MGAT4C: variants seen among roughly 807,000 people sequenced by gnomAD.
The protein encoded by MGAT4C is alpha-1,3-mannosyl-glycoprotein 4-beta-N-acetylglucosaminyltransferase C.
MGAT4C carries 19 observed loss-of-function variants against 40.1 expected under a neutral mutation model. The ratio of observed to expected loss-of-function variants is 0.47; its 90% CI spans 0.33 to 0.70. MGAT4C has a LOEUF of 0.70. Among genes scored for constraint, MGAT4C ranks in the 30% least tolerant of loss-of-function variants. The probability of loss-of-function intolerance (pLI) is 0.02; values close to 1 mark genes in which losing one functional copy is unlikely to be tolerated. For synonymous variants in MGAT4C, 181 were observed against 187.1 expected (o/e 0.97, Z 0.27); for missense variants, 491 against 563.2 (o/e 0.87, Z 1.30).
intron 2 of MGAT4C, among the ~76,000 whole-genome samples, chr12:86,040,431 C>A (rs1219611622): frequency 6.6e-6 from 1 of 152,210 alleles, no homozygotes. Context: ...ATGCCCTGCC[C>A]AGAGAGGAGG....
intron 2 of MGAT4C, among the ~76,000 whole-genome samples, chr12:86,713,616 GA>G (rs1950596569): frequency 6.6e-6 from 1 of 152,048 alleles, no homozygotes; most frequent in Non-Finnish European, 1.5e-5. Flanking sequence ...GAATAGTTAT[GA>G]ATGCAAAAAC....
At chr12:86,220,159 T>C (rs1950826502) in intron 1 of MGAT4C, among the ~76,000 whole-genome samples, 1 of 152,056 alleles carries the variant, frequency 6.6e-6, no homozygotes, top group Non-Finnish European at 1.5e-5. Context: ...GTACACTCAT[T>C]GGGGACCTCA....
chr12:86,341,299 T>G (rs1217004932), intron 3 of MGAT4C, among the ~76,000 whole-genome samples: 1 of 152,190 alleles, frequency 6.6e-6, no homozygotes, highest in East Asian at 1.9e-4. Flanking sequence ...GATCTCCTTG[T>G]GAACCCACTC....
chr12:86,474,960 G>T (rs1237239485), intron 2 of MGAT4C, among the ~76,000 whole-genome samples: 1 of 152,082 alleles, frequency 6.6e-6, no homozygotes, highest in African/African-American at 2.4e-5. Context: ...CTGATCAAGT[G>T]TCCTAAAAAC....
At chr12:86,270,961 C>A (rs75539694) in intron 4 of MGAT4C, among the ~76,000 whole-genome samples, 12,064 of 152,144 alleles carry the variant, frequency 0.079, 680 homozygotes, top group Middle Eastern at 0.22. Context: ...ATTGGAGAGC[C>A]AAATGCAGAC....
chr12:86,268,676 T>TAC (rs1161668073), intron 4 of MGAT4C, among the ~76,000 whole-genome samples: 1 of 146,286 alleles, frequency 6.8e-6, no homozygotes, highest in East Asian at 2.0e-4. Context: ...TATATATATA[T>TAC]ATACATATAT....
At position 86,085,156 on chromosome 12, in the gene MGAT4C, C is replaced by G. The variant is rs191173124; in HGVS notation, c.-56-35433G>C. Among the ~76,000 whole-genome samples, 533 of 151,800 alleles carry G rather than the reference C, an allele frequency of 3.5e-3. 2 individuals carry two copies. The highest frequency in any genetic ancestry group is 0.014 in the Middle Eastern group (4 of 294). Reference sequence around the variant, plus strand: ...TTAAATGTTTTCTGTTTTGTTCTTTCTTAAAAAGTTATGGACAGTTTCTTT... The same window carrying G: ...TTAAATGTTTTCTGTTTTGTTCTTTGTTAAAAAGTTATGGACAGTTTCTTT... On this transcript the variant is annotated intron_variant, in intron 1 of 4. Transcript: ENST00000611864.
intron 2 of MGAT4C, among the ~76,000 whole-genome samples, chr12:86,014,107 A>G (rs1169069791): frequency 6.6e-6 from 1 of 152,064 alleles, no homozygotes; most frequent in Non-Finnish European, 1.5e-5. Flanking sequence ...TATAGCTTCT[A>G]TTCTCTCATA....
At chr12:86,779,412 T>C (rs1951797419) in intron 1 of MGAT4C, among the ~76,000 whole-genome samples, 1 of 151,226 alleles carries the variant, frequency 6.6e-6, no homozygotes, top group African/African-American at 2.4e-5. Flanking sequence ...CTGAGCAGCA[T>C]AGCGAGACCC....
At chr12:86,306,240 T>C (rs950741314) in intron 4 of MGAT4C, among the ~76,000 whole-genome samples, 2 of 150,472 alleles carry the variant, frequency 1.3e-5, no homozygotes, top group East Asian at 1.9e-4. Flanking sequence ...AACATAGGTC[T>C]ACACACACTT....
At chr12:86,694,857 C>G (rs1417594468) in intron 2 of MGAT4C, among the ~76,000 whole-genome samples, 1 of 152,038 alleles carries the variant, frequency 6.6e-6, no homozygotes, top group Non-Finnish European at 1.5e-5. Flanking sequence ...TTGGTCTGGG[C>G]AAAAAATTTC....
At chr12:86,199,859 C>CA (rs1949973630) in intron 1 of MGAT4C, among the ~76,000 whole-genome samples, 1 of 151,982 alleles carries the variant, frequency 6.6e-6, no homozygotes, top group Non-Finnish European at 1.5e-5. Context: ...ATATTTTATA[C>CA]AATGTTTATA....
intron 1 of MGAT4C, among the ~76,000 whole-genome samples, chr12:86,086,328 G>T (rs551584135): frequency 2.2e-4 from 34 of 152,134 alleles, no homozygotes; most frequent in African/African-American, 8.2e-4. Context: ...TCATAAGGGA[G>T]TTGAACAGTG....
At chr12:86,650,512 T>C (rs1258380322) in intron 2 of MGAT4C, among the ~76,000 whole-genome samples, 1 of 151,910 alleles carries the variant, frequency 6.6e-6, no homozygotes, top group East Asian at 1.9e-4. Flanking sequence ...TACCAAGTGC[T>C]GCAGAAAAGT....
rs1952669018 is a variant in MGAT4C at position 86,262,048 on chromosome 12, C to G, written c.-57+72017G>C. Among the ~76,000 whole-genome samples, 4 of 152,166 alleles carry G rather than the reference C, an allele frequency of 2.6e-5. No individual in the cohort carries two copies. The South Asian group carries it at 8.3e-4, about 32-fold the overall frequency. On this transcript the variant is annotated intron_variant, in intron 4 of 7. Transcript: ENST00000548651. ...AGCGTTCCAATATTAGAACACTAGG[C>G]ATAAATTTAATATAGTTTACAATGT... is the stretch of plus-strand genomic sequence containing the variant.
chr12:86,329,102 C>CAATA (rs59833458), intron 4 of MGAT4C, among the ~76,000 whole-genome samples: 38,236 of 139,074 alleles, frequency 0.27, 5,699 homozygotes, highest in Admixed American at 0.33. Flanking sequence ...GACTCCATTT[C>CAATA]AATAAATAAA....
intron 2 of MGAT4C, among the ~76,000 whole-genome samples, chr12:86,645,644 A>C (rs546612145): frequency 6.6e-6 from 1 of 151,912 alleles, no homozygotes; most frequent in African/African-American, 2.4e-5. Flanking sequence ...ATGTGGAAGC[A>C]TTTCTCTCAT....
chr12:86,183,559 G>C (rs927236922), intron 1 of MGAT4C, among the ~76,000 whole-genome samples: 5 of 152,098 alleles, frequency 3.3e-5, no homozygotes, highest in Non-Finnish European at 7.4e-5. Flanking sequence ...GTTTTAATCA[G>C]CTCAGGCTAC....
chr12:86,587,687 G>A (rs1426654862), intron 2 of MGAT4C, among the ~76,000 whole-genome samples: 6 of 151,820 alleles, frequency 4.0e-5, no homozygotes, highest in Non-Finnish European at 5.9e-5. Context: ...TGGATTCCTA[G>A]GTATTTTATT....
Sources: allele counts gnomAD v4.1 joint callset (sites outside exome capture counted in the v4.1 genomes callset), GRCh38; gene constraint gnomAD v4.1.1; transcripts MANE v1.5; gene names NCBI Gene and HGNC (gene_info 2026-07-23, HGNC 2026-07-21).